Variants in NUP214 observed in about 807,000 individuals in gnomAD.
NUP214 encodes the protein nucleoporin 214.
Under a neutral mutation model 196.2 loss-of-function variants are expected in NUP214, and 79 were observed. The observed-to-expected ratio is 0.40, with a 90% CI of 0.34 to 0.49. The LOEUF (loss-of-function observed/expected upper bound fraction) is 0.49, where lower values mean the gene tolerates loss of function less well. Among genes scored for constraint, NUP214 ranks in the 20% least tolerant of loss-of-function variants. The pLI, the probability that NUP214 is intolerant of heterozygous loss-of-function variation, is 0.58. For synonymous variants in NUP214, 1,020 were observed against 990.5 expected (o/e 1.03, Z -0.56); for missense variants, 2,468 against 2,539.0 (o/e 0.97, Z 0.60).
intron 28 of NUP214, among the ~76,000 whole-genome samples, chr9:131,196,025 T>TCCGCC (rs1554737948): frequency 2.7e-4 from 1 of 3,666 alleles, no homozygotes; most frequent in Admixed American, 4.4e-3. Context: ...ACTCTGTGTG[T>TCCGCC]CCCCCCCCCC....
rs780992143 is a variant in NUP214 at position 131,150,706 on chromosome 9, C to T, written c.2218C>T (p.Leu740=). The stretch of plus-strand genomic sequence containing the variant: ...GGGCACTTCTGAGGAGATGAAGATG[C>T]TGCGAACAGAATCAGATGACTTGCA... ...QVGTSEEMKM[L]RTESDDLHTF... is the part of the protein sequence containing the mutation. The change falls in exon 16 of 36, where the codon CTG becomes TTG. Residue 740 remains leucine (L), a synonymous_variant. Transcript: ENST00000359428. The T allele has an allele frequency of 1.2e-6, 2 of 1,614,154 alleles. No individual in the cohort carries two copies. The highest frequency in any genetic ancestry group is 1.1e-5 in the South Asian group (1 of 91,078).
At position 131,129,278 on chromosome 9, in the gene NUP214, G is replaced by A. The variant is rs1327372722; in HGVS notation, c.394-1G>A. The A allele has an allele frequency of 6.2e-7, 1 of 1,613,512 alleles. No individual in the cohort carries two copies. Among genetic ancestry groups the A allele is most frequent in the Non-Finnish European group, 8.5e-7 (1 of 1,179,722 alleles). The stretch of plus-strand genomic sequence containing the variant: ...TCACTTTTGCATATTTGTTTTAAAA[G>A]GCTAAACAGCAAAAACGCCCATTTG... On this transcript the variant is annotated splice_acceptor_variant, in intron 3 of 35. Coordinates refer to ENST00000359428, the MANE Select transcript of NUP214 (RefSeq NM_005085.4). LOFTEE classifies it high-confidence loss of function.
intron 31 of NUP214, 130 bp downstream of exon 31, chr9:131,215,498 C>T: frequency 9.7e-7 from 1 of 1,029,850 alleles, no homozygotes; most frequent in Non-Finnish European, 1.3e-6. Context: ...AAATATCTTC[C>T]CCAAAGCAGT....
intron 14 of NUP214, among the ~76,000 whole-genome samples, chr9:131,148,973 G>A (rs967189007): frequency 3.9e-5 from 6 of 152,032 alleles, no homozygotes; most frequent in Admixed American, 1.3e-4. Context: ...TCAAAAAGAT[G>A]TTTTTCTAAA....
At chr9:131,140,156 A>G (rs1831863045) in intron 10 of NUP214, among the ~76,000 whole-genome samples, 1 of 152,186 alleles carries the variant, frequency 6.6e-6, no homozygotes, top group Admixed American at 6.5e-5. Flanking sequence ...GTCCATTCCA[A>G]AGAGTCTAGT....
intron 28 of NUP214, among the ~76,000 whole-genome samples, chr9:131,196,208 G>T (rs577824190): frequency 6.6e-6 from 1 of 151,876 alleles, no homozygotes; most frequent in South Asian, 2.1e-4. Flanking sequence ...ATCCAGGCTG[G>T]AGTGTAATGG....
chr9:131,146,071 T>A lies in NUP214; in HGVS notation c.1770-58T>A. 1 of 1,451,700 alleles carries A rather than the reference T, an allele frequency of 6.9e-7. No individual in the cohort carries two copies. The highest frequency in any genetic ancestry group is 1.8e-4 in the Middle Eastern group (1 of 5,638). The allele number at this position is 1,451,700 out of a possible 1,614,324, so 89.9% of individuals were successfully genotyped here. A position where few individuals can be genotyped will look rare whatever the true frequency, so the allele number is the denominator to read the frequency against. ...TATCTTTTGATGACATTGCTCATGCTAGTGTAAAAGAATCTTCTAGCAGGC... is the reference window on the plus strand; with the variant it reads ...TATCTTTTGATGACATTGCTCATGCAAGTGTAAAAGAATCTTCTAGCAGGC... On this transcript the variant is annotated intron_variant, in intron 12 of 35. Transcript: ENST00000359428. This position sits in a 1 kb window ranked among gnomAD's most constrained non-coding sequence, Gnocchi z 4.6.
At chr9:131,201,601 A>G in intron 29 of NUP214, 46 bp from the exon 30 acceptor site, 1 of 1,414,782 alleles carries the variant, frequency 7.1e-7, no homozygotes, top group Non-Finnish European at 1.0e-6. Flanking sequence ...GTTGTAAAAG[A>G]CTCATCCAAT....
chr9:131,211,237 A>G (rs1024629985), intron 30 of NUP214, among the ~76,000 whole-genome samples: 2 of 152,200 alleles, frequency 1.3e-5, no homozygotes, highest in South Asian at 2.1e-4. Flanking sequence ...ATGATGTGAT[A>G]ATAATTGGGG....
intron 30 of NUP214, among the ~76,000 whole-genome samples, chr9:131,202,425 GTTTGTT>G (rs1056971478): frequency 7.9e-5 from 12 of 151,882 alleles, no homozygotes; most frequent in Non-Finnish European, 1.5e-5. Flanking sequence ...TTGTTTGTTT[GTTTGTT>G]TTTGTTTTTG....
At position 131,129,372 on chromosome 9, in the gene NUP214, T is replaced by A. The variant is rs781271744; in HGVS notation, c.487T>A (p.Ser163Thr). Residue 163 changes from serine to threonine, a missense_variant, in exon 4 of 36, where the codon TCC (serine) becomes ACC (threonine). Around this residue, in one of 5 missense-constraint regions of NUP214, gnomAD observed 392 missense variants for 417.9 expected, o/e 0.94. Coordinates refer to ENST00000359428, the MANE Select transcript of NUP214 (RefSeq NM_005085.4). ...TATGAAGTGGAACCCCACTGTCCCC[T>A]CCATGGTGGCAGTTTGTCTGGCTGA... ...IDMKWNPTVP[S>T]MVAVCLADGS... 30 of 1,613,990 alleles carry A rather than the reference T, an allele frequency of 1.9e-5. No homozygotes were observed. Among genetic ancestry groups the A allele is most frequent in the African/African-American group, 2.7e-5 (2 of 74,936 alleles).
In NUP214 at chr9:131,192,169, C is replaced by CTTTTTTTT. The variant is rs66652901; in HGVS notation, c.3575-20_3575-13dup. On this transcript the variant is annotated intron_variant, in intron 26 of 35. Transcript: ENST00000359428. ...AGTGTTTCTGTCTTTTTGTAATATT[C>CTTTTTTTT]TTTTTTTTTTTTTTTTTTTTTTTTT... The CTTTTTTTT allele has an allele frequency of 1.1e-4, 47 of 447,484 alleles. 1 individual carries two copies. The highest frequency in any genetic ancestry group is 1.3e-4 in the South Asian group (4 of 31,976). The allele number at this position is 447,484 out of a possible 1,614,324, so 27.7% of individuals were successfully genotyped here. A position where few individuals can be genotyped will look rare whatever the true frequency, so the allele number is the denominator to read the frequency against.
chr9:131,186,034 T>A (rs554451100), intron 24 of NUP214, among the ~76,000 whole-genome samples: 1 of 152,226 alleles, frequency 6.6e-6, no homozygotes, highest in Non-Finnish European at 1.5e-5. Flanking sequence ...TCCTTTGTAA[T>A]CCTTGTGAGC....
intron 27 of NUP214, among the ~76,000 whole-genome samples, chr9:131,194,819 A>G (rs1336569993): frequency 1.3e-5 from 2 of 152,148 alleles, no homozygotes; most frequent in Non-Finnish European, 2.9e-5. Flanking sequence ...GGCTCTCCCT[A>G]GTCTTAAGTG....
At chr9:131,190,587 A>G (rs1272348343) in intron 26 of NUP214, 18 of 602,668 alleles carry the variant, frequency 3.0e-5, no homozygotes, top group Non-Finnish European at 4.6e-5. Flanking sequence ...GAGCATTTCT[A>G]AAACCTCTAG....
chr9:131,220,628 C>T (rs4740420), intron 31 of NUP214, among the ~76,000 whole-genome samples: 39,661 of 152,116 alleles, frequency 0.26, 5,393 homozygotes, highest in East Asian at 0.41. Flanking sequence ...CAACATACCA[C>T]ACTAGTGCCC....
rs1220458199 is a variant in NUP214 at position 131,198,940 on chromosome 9, G to A, written c.5446G>A (p.Gly1816Ser). 6 of 1,614,158 alleles carry A rather than the reference G, an allele frequency of 3.7e-6. No individual in the cohort carries two copies. Among genetic ancestry groups the A allele is most frequent in the Non-Finnish European group, 4.2e-6 (5 of 1,180,008 alleles). ...GCAGAGTCCTGGCTTTGGACAGGGAGGCTCTGTCTTTGGTGGTACCTCAGC... is the reference window on the plus strand; with the variant it reads ...GCAGAGTCCTGGCTTTGGACAGGGAAGCTCTGTCTTTGGTGGTACCTCAGC... ...FGQSPGFGQG[G>S]SVFGGTSAAT... The change falls in exon 29 of 36, where the codon GGC becomes AGC. Residue 1816 changes from glycine to serine, a missense_variant. Gly to Ser is a moderately conservative substitution (Grantham distance 56, BLOSUM62 0). Transcript: ENST00000359428.
chr9:131,176,197 G>GT (rs1430804769), intron 23 of NUP214, among the ~76,000 whole-genome samples: 7 of 152,168 alleles, frequency 4.6e-5, no homozygotes, highest in African/African-American at 1.7e-4. Context: ...ACCATTTTGT[G>GT]TTTGAGTAAT....
intron 24 of NUP214, among the ~76,000 whole-genome samples, chr9:131,184,145 C>T (rs1265075274): frequency 6.8e-6 from 1 of 146,312 alleles, no homozygotes; most frequent in Admixed American, 6.9e-5. Flanking sequence ...ATTCTCCTGC[C>T]TCAGCCTCCT....
Sources: allele counts gnomAD v4.1 joint callset (sites outside exome capture counted in the v4.1 genomes callset), GRCh38; gene constraint gnomAD v4.1.1; regional missense constraint gnomAD v4.1.1; non-coding constraint Gnocchi (gnomAD v3.1); transcripts MANE v1.5; gene names NCBI Gene and HGNC (gene_info 2026-07-23, HGNC 2026-07-21).